The following ATP2B3 variants were observed in gnomAD, a reference collection of about 807,000 sequenced individuals.
ATP2B3 encodes the protein plasma membrane calcium-transporting ATPase 3.
Under a neutral mutation model 70.8 loss-of-function variants are expected in ATP2B3, and 12 were observed. The ratio of observed to expected loss-of-function variants is 0.17; its 90% CI spans 0.11 to 0.27. The LOEUF (loss-of-function observed/expected upper bound fraction) is 0.27, where lower values mean the gene tolerates loss of function less well. Among genes scored for constraint, ATP2B3 ranks in the 10% least tolerant of loss-of-function variants. The pLI, the probability that ATP2B3 is intolerant of heterozygous loss-of-function variation, is 1.00. For missense variants in ATP2B3, 858 were observed against 1,118.5 expected (o/e 0.77, Z 3.32); for synonymous variants, 460 against 497.8 (o/e 0.92, Z 1.01).
intron 21 of ATP2B3, among the ~76,000 whole-genome samples, chrX:153,568,026 G>T (rs1304717144): frequency 2.7e-5 from 3 of 111,946 alleles, no homozygotes; most frequent in African/African-American, 9.8e-5. Context: ...CTGGCCCCAG[G>T]TTTCTGCTTT....
chrX:153,565,939 A>G (rs782086346), intron 21 of ATP2B3, among the ~76,000 whole-genome samples: 2 of 111,719 alleles, frequency 1.8e-5, no homozygotes, highest in South Asian at 7.4e-4. Flanking sequence ...CTGCCTGGAG[A>G]CTTGCTGTCC....
At chrX:153,547,497 G>A (rs782772488) in intron 8 of ATP2B3, among the ~76,000 whole-genome samples, 1 of 111,242 alleles carries the variant, frequency 9.0e-6, no homozygotes, top group African/African-American at 3.3e-5. Context: ...AAGATTCCTC[G>A]GGCCACAGGC....
chrX:153,546,185 G>T, intron 8 of ATP2B3, 56 bp downstream of exon 8: 1 of 1,187,989 alleles, frequency 8.4e-7, no homozygotes, highest in South Asian at 1.8e-5. Context: ...GGTGGGGCTG[G>T]TGGAGGGCAC....
chrX:153,546,217 GC>G lies in ATP2B3; in HGVS notation c.958+90del, dbSNP rs2090364037. The G allele has an allele frequency of 5.5e-5, 60 of 1,083,440 alleles. No homozygotes were observed. In the South Asian group the frequency reaches 1.1e-3, roughly 19 times the overall value. The allele number at this position is 1,083,440 out of a possible 1,213,427, so 89.3% of individuals were successfully genotyped here. A position where few individuals can be genotyped will look rare whatever the true frequency, so the allele number is the denominator to read the frequency against. ...GCACAGTGTTGGGGGAGGTTCACCT[GC>G]CTCGGTGGCAGGAGCAACACTTGGA... On this transcript the variant is annotated intron_variant, in intron 8 of 21. Transcript: ENST00000263519.
chrX:153,522,818 C>T (rs2089977172), intron 2 of ATP2B3, among the ~76,000 whole-genome samples: 1 of 111,659 alleles, frequency 9.0e-6, no homozygotes, highest in Non-Finnish European at 1.9e-5. Flanking sequence ...GATCCGGCCA[C>T]CGCCTGGTCC....
At chrX:153,572,910 G>A (rs1202026725) in intron 21 of ATP2B3, among the ~76,000 whole-genome samples, 4 of 112,396 alleles carry the variant, frequency 3.6e-5, no homozygotes, top group Non-Finnish European at 5.6e-5. Flanking sequence ...GAGGGTGCGC[G>A]ATCATTTGGA....
chrX:153,557,891 C>CCT (rs2090564844), intron 16 of ATP2B3, among the ~76,000 whole-genome samples: 1 of 107,623 alleles, frequency 9.3e-6, no homozygotes, highest in Non-Finnish European at 1.9e-5. Flanking sequence ...AGCCCCCCCC[C>CCT]CCACCGTGAC....
chrX:153,556,834 C>G lies in ATP2B3; in HGVS notation c.2327-83C>G, dbSNP rs2068805988. The G allele has an allele frequency of 1.3e-5, 13 of 1,005,036 alleles. No individual in the cohort carries two copies. The African/African-American group carries it at 1.7e-4, about 13-fold the overall frequency. 82.8% of individuals were successfully genotyped at this position (1,005,036 alleles called of 1,213,427 possible). A position where few individuals can be genotyped will look rare whatever the true frequency, so the allele number is the denominator to read the frequency against. On this transcript the variant is annotated intron_variant, in intron 15 of 21. Coordinates refer to ENST00000263519, the MANE Select transcript of ATP2B3 (RefSeq NM_001001344.3). Reference sequence around the variant, plus strand: ...CCAAAGGGTTTTCACAGCCAACCTACCCCCATAGCTCCCTGGGCAGGGCTA... The same window carrying G: ...CCAAAGGGTTTTCACAGCCAACCTAGCCCCATAGCTCCCTGGGCAGGGCTA...
At chrX:153,560,933 T>G (rs1450280190) in intron 19 of ATP2B3, 46 bp downstream of exon 19, 1 of 1,192,782 alleles carries the variant, frequency 8.4e-7, no homozygotes, top group African/African-American at 1.8e-5. Flanking sequence ...TTGCAAAAAG[T>G]GGAGGTGGTG....
chrX:153,540,088 G>A lies in ATP2B3; in HGVS notation c.209-1271G>A, dbSNP rs782661907. On this transcript the variant is annotated intron_variant, in intron 3 of 21. Coordinates refer to ENST00000263519, the MANE Select transcript of ATP2B3 (RefSeq NM_001001344.3). ...GAGTTGCATTAGAACCAAGGCTGCT[G>A]GGTCCTGAGGGCCCTGTGCTCACCG... 6.2e-5 allele frequency among the ~76,000 whole-genome samples: 7 copies of A among 112,383 alleles called. No homozygotes were observed. In the South Asian group the frequency reaches 2.2e-3, roughly 36 times the overall value.
chrX:153,555,585 C>T (rs2090522068), intron 13 of ATP2B3, among the ~76,000 whole-genome samples: 1 of 111,951 alleles, frequency 8.9e-6, no homozygotes, highest in African/African-American at 3.2e-5. Flanking sequence ...GTCCCCCCAC[C>T]ACTGGGACAA....
chrX:153,537,481 G>A (rs1216177876), intron 3 of ATP2B3, among the ~76,000 whole-genome samples: 2 of 113,498 alleles, frequency 1.8e-5, no homozygotes, highest in Non-Finnish European at 1.9e-5. Flanking sequence ...TTGTGGCTCC[G>A]GCCTCGGCCC....
chrX:153,572,498 G>T (rs1211462171), intron 21 of ATP2B3, among the ~76,000 whole-genome samples: 1 of 112,313 alleles, frequency 8.9e-6, no homozygotes, highest in Non-Finnish European at 1.9e-5. Context: ...AAGTAGCAAG[G>T]GGGTGGCTAG....
rs782742247 is a variant in ATP2B3, at chrX:153,559,990, C to G, written c.2839+48C>G. The G allele has an allele frequency of 8.0e-5, 91 of 1,132,800 alleles. No homozygotes were observed. The South Asian group carries it at 1.7e-3, about 21-fold the overall frequency. The allele number at this position is 1,132,800 out of a possible 1,213,427, so 93.4% of individuals were successfully genotyped here. ...GGAGGACTTCAGGACACTGTTGCCA[C>G]CACCTCGGGCTCAGATTCTGTCTGG... On this transcript the variant is annotated intron_variant, in intron 18 of 21. Transcript: ENST00000263519.
chrX:153,533,627 C>T (rs1213032654), intron 2 of ATP2B3, among the ~76,000 whole-genome samples: 2 of 111,128 alleles, frequency 1.8e-5, no homozygotes, highest in Admixed American at 1.9e-4. Context: ...GGACGTGGAG[C>T]TTGCTTGCTG....
intron 19 of ATP2B3, among the ~76,000 whole-genome samples, chrX:153,561,758 G>A (rs1369028496): frequency 2.7e-5 from 3 of 112,846 alleles, no homozygotes; most frequent in Non-Finnish European, 5.6e-5. Flanking sequence ...GCTTGCCCCT[G>A]CAAATTGGAT....
intron 21 of ATP2B3, among the ~76,000 whole-genome samples, chrX:153,572,663 C>T (rs375174485): frequency 6.8e-4 from 76 of 111,435 alleles, no homozygotes; most frequent in African/African-American, 2.4e-3. Context: ...CAGACTGTGC[C>T]GGCCACAACT....
Position 153,580,388 on chromosome X carries a change from C to G in ATP2B3, c.*90C>G, listed in dbSNP as rs994522884. On this transcript the variant is annotated 3_prime_UTR_variant, in exon 22 of 22. Transcript: ENST00000263519. ...TGCACGCACACACACATATGGGGAC[C>G]TGCACACCTGCAAAACGAGGGAACA... 13 of 895,687 alleles carry G rather than the reference C, an allele frequency of 1.5e-5. No homozygotes were observed. In the African/African-American group the frequency reaches 2.4e-4, roughly 17 times the overall value. 73.8% of individuals were successfully genotyped at this position (895,687 alleles called of 1,213,427 possible). A position where few individuals can be genotyped will look rare whatever the true frequency, so the allele number is the denominator to read the frequency against.
At chrX:153,541,313 C>G (rs201003115) in intron 3 of ATP2B3, 46 bp from the exon 4 acceptor site, 2 of 1,199,862 alleles carry the variant, frequency 1.7e-6, no homozygotes, top group Non-Finnish European at 2.3e-6. Flanking sequence ...AAGGCCGACC[C>G]GTCCCATCCC....
Sources: gnomAD v4.1 joint callset for allele counts (sites outside exome capture counted in the v4.1 genomes callset) on GRCh38, gnomAD v4.1.1 for gene constraint, MANE v1.5 for transcripts, NCBI Gene and HGNC (gene_info 2026-07-23, HGNC 2026-07-21) for gene names.